FAAH2: variants seen among roughly 807,000 people sequenced by gnomAD.
The protein encoded by FAAH2 is fatty acid amide hydrolase 2.
Under a neutral mutation model 36.9 loss-of-function variants are expected in FAAH2, and 60 were observed. The ratio of observed to expected loss-of-function variants is 1.63; its 90% CI spans 1.32 to 2.02. The LOEUF (loss-of-function observed/expected upper bound fraction) is 2.02, where lower values mean the gene tolerates loss of function less well. FAAH2 is among the 30% of genes most tolerant of loss of function. The probability of loss-of-function intolerance (pLI) is 0.00; values close to 1 mark genes in which losing one functional copy is unlikely to be tolerated. For missense variants in FAAH2, 689 were observed against 397.5 expected, an observed-to-expected ratio of 1.73 and a Z score of -6.23; for synonymous variants, 214 against 143.8, an observed-to-expected ratio of 1.49 and a Z score of -3.49.
intron 10 of FAAH2, among the ~76,000 whole-genome samples, chrX:57,487,148 G>A (rs1457242226): frequency 9.0e-6 from 1 of 110,606 alleles, no homozygotes; most frequent in Non-Finnish European, 1.9e-5. Flanking sequence ...AAATAAATAG[G>A]AGACCTAAAT....
At chrX:57,289,541 T>A (rs2051915761) in intron 1 of FAAH2, among the ~76,000 whole-genome samples, 1 of 111,182 alleles carries the variant, frequency 9.0e-6, no homozygotes, top group South Asian at 3.8e-4. Context: ...TTTATTCATC[T>A]CCTTTGTTAG....
the FAAH2 span, among the ~76,000 whole-genome samples, chrX:57,216,930 C>A: frequency 1.2e-4 from 13 of 108,452 alleles, no homozygotes; most frequent in Admixed American, 1.3e-3. Context: ...TCATTTACAC[C>A]AACATCTACT....
the FAAH2 span, among the ~76,000 whole-genome samples, chrX:57,162,872 A>T: frequency 8.9e-6 from 1 of 112,836 alleles, no homozygotes; most frequent in African/African-American, 3.2e-5. Context: ...GTCAAAGTCA[A>T]TCTCCATCCA....
chrX:57,200,441 C>T, the FAAH2 span, among the ~76,000 whole-genome samples: 1,221 of 105,887 alleles, frequency 0.012, 19 homozygotes, highest in African/African-American at 0.04. Flanking sequence ...TGCAATGGCA[C>T]GATCCTGGCC....
At chrX:57,421,374 C>T (rs893837963) in intron 7 of FAAH2, among the ~76,000 whole-genome samples, 2 of 111,980 alleles carry the variant, frequency 1.8e-5, no homozygotes, top group Non-Finnish European at 3.8e-5. Context: ...GTTGCTTGAA[C>T]CCAAGAGGTG....
chrX:57,129,470 TATA>T, the FAAH2 span, among the ~76,000 whole-genome samples: 70 of 112,409 alleles, frequency 6.2e-4, 1 homozygote, highest in African/African-American at 2.0e-3. Context: ...TTACATAAAT[TATA>T]ATGAGTCAAC....
At chrX:57,294,688 T>G (rs2052081496) in intron 2 of FAAH2, among the ~76,000 whole-genome samples, 1 of 112,047 alleles carries the variant, frequency 8.9e-6, no homozygotes, top group Non-Finnish European at 1.9e-5. Flanking sequence ...TTATTACTTT[T>G]GCCTGGAACA....
intron 7 of FAAH2, among the ~76,000 whole-genome samples, chrX:57,426,489 C>T (rs1373878000): frequency 9.0e-6 from 1 of 111,318 alleles, no homozygotes; most frequent in Non-Finnish European, 1.9e-5. Context: ...CAGGATAGAC[C>T]ATATTTTAGG....
the FAAH2 span, among the ~76,000 whole-genome samples, chrX:57,149,433 G>A: frequency 2.1e-4 from 24 of 111,677 alleles, no homozygotes; most frequent in Admixed American, 1.8e-3. Flanking sequence ...CACAATTTCA[G>A]AGCCTGTTAT....
At chrX:57,366,629 A>G (rs2054424545) in intron 5 of FAAH2, among the ~76,000 whole-genome samples, 1 of 112,100 alleles carries the variant, frequency 8.9e-6, no homozygotes, top group Non-Finnish European at 1.9e-5. Flanking sequence ...GGGCAAGCAT[A>G]CACCCACAAG....
intron 2 of FAAH2, among the ~76,000 whole-genome samples, chrX:57,301,387 T>C (rs1415458014): frequency 4.1e-5 from 4 of 97,640 alleles, no homozygotes; most frequent in African/African-American, 1.6e-4. Flanking sequence ...CCACATGTTC[T>C]CACTCATAGG....
At chrX:57,429,105 G>A (rs1183694558) in intron 7 of FAAH2, among the ~76,000 whole-genome samples, 1 of 111,220 alleles carries the variant, frequency 9.0e-6, no homozygotes, top group African/African-American at 3.3e-5. Flanking sequence ...GGAGGCCGAG[G>A]TGGGCGGATC....
chrX:57,124,199 T>C, the FAAH2 span, among the ~76,000 whole-genome samples: 9 of 111,631 alleles, frequency 8.1e-5, no homozygotes, highest in Admixed American at 2.8e-4. Context: ...AAGGAAGGGA[T>C]CCAGTTTCAG....
chrX:57,385,046 C>T (rs914804087), intron 7 of FAAH2, among the ~76,000 whole-genome samples: 4 of 110,081 alleles, frequency 3.6e-5, no homozygotes, highest in African/African-American at 6.6e-5. Flanking sequence ...AACCAAATAC[C>T]GCATGTTTTC....
At chrX:57,318,086 C>G (rs368578423) in intron 3 of FAAH2, among the ~76,000 whole-genome samples, 5 of 111,483 alleles carry the variant, frequency 4.5e-5, no homozygotes, top group African/African-American at 1.6e-4. Flanking sequence ...GACACCCTAA[C>G]ATCACAATTA....
At chrX:57,160,987 G>C in the FAAH2 span, among the ~76,000 whole-genome samples, 1 of 111,897 alleles carries the variant, frequency 8.9e-6, no homozygotes, top group Non-Finnish European at 1.9e-5. Flanking sequence ...GCTTTCTGTT[G>C]TGGGCATTTA....
intron 1 of FAAH2, among the ~76,000 whole-genome samples, chrX:57,288,478 T>A (rs773581776): frequency 6.8e-4 from 72 of 105,300 alleles, no homozygotes; most frequent in Admixed American, 1.6e-3. Context: ...GCCTCCCGAG[T>A]AGCTGGGACT....
At chrX:57,267,874 G>A in the FAAH2 span, among the ~76,000 whole-genome samples, 10 of 112,205 alleles carry the variant, frequency 8.9e-5, no homozygotes, top group East Asian at 2.5e-3. Flanking sequence ...AAAGATCAAA[G>A]GTAGATAAGC....
chrX:57,304,126 G>C (rs756289994), intron 2 of FAAH2, among the ~76,000 whole-genome samples: 1 of 111,827 alleles, frequency 8.9e-6, no homozygotes, highest in East Asian at 2.8e-4. Context: ...AGAATTGCTT[G>C]AGCCCAGGAG....
Sources: allele counts gnomAD v4.1 joint callset (sites outside exome capture counted in the v4.1 genomes callset), GRCh38; gene constraint gnomAD v4.1.1; transcripts MANE v1.5; gene names NCBI Gene and HGNC (gene_info 2026-07-23, HGNC 2026-07-21).